The following ERG variants were observed in gnomAD, a reference collection of about 807,000 sequenced individuals.
The protein encoded by ERG is ETS transcription factor ERG.
ERG carries 9 observed loss-of-function variants against 55.3 expected under a neutral mutation model. The observed-to-expected ratio is 0.16, with a 90% confidence interval of 0.10 to 0.28. The LOEUF is 0.28. Among genes scored for constraint, ERG ranks in the 10% least tolerant of loss-of-function variants. The pLI is 1.00. For synonymous variants in ERG, 223 were observed against 237.3 expected (o/e 0.94, Z 0.55); for missense variants, 434 against 631.6 (o/e 0.69, Z 3.35).
chr21:38,628,278 T>C (rs2060337364), intron 1 of ERG, among the ~76,000 whole-genome samples: 1 of 152,116 alleles, frequency 6.6e-6, no homozygotes, highest in African/African-American at 2.4e-5. Flanking sequence ...CTTCTCTGTA[T>C]TTATAGTTGT....
chr21:38,489,027 T>A (rs946961463), intron 1 of ERG, among the ~76,000 whole-genome samples: 1 of 152,206 alleles, frequency 6.6e-6, no homozygotes, highest in Admixed American at 6.5e-5. Context: ...GACCACGCAT[T>A]CGGAGAGAGG....
chr21:38,420,288 CTGTGTGTGTGTGTGCG>C lies in ERG; in HGVS notation c.388+3106_388+3121del, dbSNP rs1989481696. Among the ~76,000 whole-genome samples the C allele has an allele frequency of 2.4e-5, 3 of 126,464 alleles. 1 individual carries two copies. In the South Asian group the frequency reaches 7.1e-4, roughly 30 times the overall value. 83.0% of individuals were successfully genotyped at this position (126,464 alleles called of 152,430 possible). A position where few individuals can be genotyped will look rare whatever the true frequency, so the allele number is the denominator to read the frequency against. The stretch of plus-strand genomic sequence containing the variant: ...AAATTGTCCAGATTGTGCAATGAAG[CTGTGTGTGTGTGTGCG>C]TGTGTGTGTGTGTGTGTTCATCTCT... On this transcript the variant is annotated intron_variant, in intron 3 of 9. Coordinates refer to ENST00000288319, the MANE Select transcript of ERG (RefSeq NM_182918.4).
At chr21:38,637,643 C>T (rs1480955385) in intron 1 of ERG, among the ~76,000 whole-genome samples, 1 of 152,176 alleles carries the variant, frequency 6.6e-6, no homozygotes, top group Non-Finnish European at 1.5e-5. Context: ...TAATTTTAAT[C>T]ATCAATACTG....
At chr21:38,556,250 T>C (rs1031361746) in intron 2 of ERG, among the ~76,000 whole-genome samples, 1 of 152,186 alleles carries the variant, frequency 6.6e-6, no homozygotes. Context: ...TGTAATATTG[T>C]TCATGGAAAA....
Position 38,634,471 on chromosome 21 carries a change from C to T in ERG, c.-150+27187G>A, listed in dbSNP as rs940324636. Among the ~76,000 whole-genome samples, 5 of 152,118 alleles carry T rather than the reference C, an allele frequency of 3.3e-5. No individual in the cohort carries two copies. In the East Asian group the frequency reaches 7.7e-4, roughly 23 times the overall value. Reference sequence around the variant, plus strand: ...GGAGAAAATGTGAGCATTAAGAATGCCAAGAAGAAACTTCTAACTAGACCC... The same window carrying T: ...GGAGAAAATGTGAGCATTAAGAATGTCAAGAAGAAACTTCTAACTAGACCC... On this transcript the variant is annotated intron_variant, in intron 1 of 10. Transcript: ENST00000398910.
chr21:38,609,140 T>C (rs938566731), intron 1 of ERG, among the ~76,000 whole-genome samples: 15 of 152,124 alleles, frequency 9.9e-5, no homozygotes, highest in African/African-American at 3.6e-4. Context: ...AGCTCTTGAA[T>C]CTACTCCAGA....
At chr21:38,620,589 T>C (rs1258867470) in intron 1 of ERG, among the ~76,000 whole-genome samples, 1 of 152,170 alleles carries the variant, frequency 6.6e-6, no homozygotes. Context: ...CAATAAAATA[T>C]CCCCATCACC....
chr21:38,378,208 T>C (rs537246711), downstream of ERG, among the ~76,000 whole-genome samples: 2 of 152,358 alleles, frequency 1.3e-5, no homozygotes, highest in South Asian at 4.1e-4. Context: ...TGACTTTCTA[T>C]GTATGGACAA....
intron 1 of ERG, among the ~76,000 whole-genome samples, chr21:38,636,088 T>G (rs960917932): frequency 1.1e-4 from 16 of 150,756 alleles, no homozygotes; most frequent in Admixed American, 7.2e-4. Flanking sequence ...GAGTGAGTTC[T>G]CATGAGATCT....
chr21:38,659,027 AG>A (rs1440631864), intron 1 of ERG, among the ~76,000 whole-genome samples: 1 of 152,262 alleles, frequency 6.6e-6, no homozygotes, highest in African/African-American at 2.4e-5. Context: ...AATAGAATGA[AG>A]TAATTATAAA....
intron 1 of ERG, among the ~76,000 whole-genome samples, chr21:38,639,263 G>A (rs2060409033): frequency 6.6e-6 from 1 of 151,960 alleles, no homozygotes; most frequent in African/African-American, 2.4e-5. Context: ...GAGCATCCAA[G>A]GTCCACCAGA....
At chr21:38,405,221 T>TAC (rs1172525160) in intron 3 of ERG, among the ~76,000 whole-genome samples, 1 of 152,230 alleles carries the variant, frequency 6.6e-6, no homozygotes, top group Non-Finnish European at 1.5e-5. Flanking sequence ...ATATATTGTT[T>TAC]TGTGTTTTTA....
intron 1 of ERG, among the ~76,000 whole-genome samples, chr21:38,492,711 T>C (rs1342561514): frequency 2.0e-5 from 3 of 151,028 alleles, no homozygotes; most frequent in African/African-American, 7.3e-5. Flanking sequence ...AGTGGGAGAG[T>C]GGACAGATGG....
At chr21:38,553,242 T>C (rs926617026) in intron 2 of ERG, among the ~76,000 whole-genome samples, 6 of 152,182 alleles carry the variant, frequency 3.9e-5, no homozygotes, top group Admixed American at 2.0e-4. Flanking sequence ...AGAATCAATA[T>C]TGTTAAAATG....
At chr21:38,633,014 G>C (rs1217015453) in intron 1 of ERG, among the ~76,000 whole-genome samples, 2 of 152,138 alleles carry the variant, frequency 1.3e-5, no homozygotes. Context: ...ATGAAATTTA[G>C]AATATACATA....
chr21:38,649,951 G>A (rs989532062), intron 1 of ERG, among the ~76,000 whole-genome samples: 1 of 152,164 alleles, frequency 6.6e-6, no homozygotes, highest in South Asian at 2.1e-4. Context: ...CAGAGGTTTT[G>A]GGTATGGTTG....
At chr21:38,523,504 G>A (rs1331610414) in intron 2 of ERG, among the ~76,000 whole-genome samples, 2 of 152,182 alleles carry the variant, frequency 1.3e-5, no homozygotes, top group Admixed American at 6.5e-5. Context: ...GTGAGTAAGA[G>A]GCGGGGGCCA....
At chr21:38,501,704 TCAC>T (rs2146700108), upstream of ERG, among the ~76,000 whole-genome samples, 1 of 152,162 alleles carries the variant, frequency 6.6e-6, no homozygotes, top group South Asian at 2.1e-4. Flanking sequence ...GATGCAGTAA[TCAC>T]CACACTAGAC....
intron 4 of ERG, 64 bp downstream of exon 4, chr21:38,403,441 TC>T: frequency 6.6e-7 from 1 of 1,525,476 alleles, no homozygotes; most frequent in South Asian, 1.1e-5. Flanking sequence ...GGTTGAACCC[TC>T]TGAAGCTCAG....
Sources: allele counts gnomAD v4.1 joint callset (sites outside exome capture counted in the v4.1 genomes callset), GRCh38; gene constraint gnomAD v4.1.1; transcripts MANE v1.5; gene names NCBI Gene and HGNC (gene_info 2026-07-23, HGNC 2026-07-21).